Variants in CTCF observed in about 807,000 individuals in gnomAD.
The protein encoded by CTCF is transcriptional repressor CTCF.
CTCF carries 7 observed loss-of-function variants against 72.3 expected under a neutral mutation model. That is an observed-to-expected ratio of 0.10 (90% CI 0.06 to 0.18). The LOEUF (loss-of-function observed/expected upper bound fraction) is 0.18, where lower values mean the gene tolerates loss of function less well. Ranked by LOEUF, CTCF falls within the 10% of genes least tolerant of loss-of-function variation. The pLI is 1.00. For missense variants in CTCF, 516 were observed against 949.1 expected (o/e 0.54, Z 6.00); for synonymous variants, 374 against 315.8 (o/e 1.18, Z -1.95).
At chr16:67,607,330 G>A (rs539295923) in intron 2 of CTCF, among the ~76,000 whole-genome samples, 2 of 150,236 alleles carry the variant, frequency 1.3e-5, no homozygotes, top group South Asian at 2.1e-4. Context: ...TTTTGAGACC[G>A]AGTCTCACTC....
chr16:67,611,543 A>G lies in CTCF; in HGVS notation c.711A>G (p.Leu237=), dbSNP rs755569632. 1.2e-6 allele frequency: 2 copies of G among 1,614,024 alleles called. No individual in the cohort carries two copies. The highest frequency in any genetic ancestry group is 2.2e-5 in the East Asian group (1 of 44,906). Residue 237 remains leucine, a synonymous_variant, in exon 3 of 12, where the codon CTA becomes CTG. Transcript: ENST00000264010. ...AGGAAGAACAGCAGGAGGGTCTGCT[A>G]TCAGAGGTTAATGCAGAGAAAGTGG... is the stretch of plus-strand genomic sequence containing the variant. ...DFEEEQQEGL[L]SEVNAEKVVG... is the part of the protein sequence containing the mutation.
At chr16:67,574,576 A>G (rs368007163) in intron 2 of CTCF, among the ~76,000 whole-genome samples, 1 of 150,798 alleles carries the variant, frequency 6.6e-6, no homozygotes, top group Non-Finnish European at 1.5e-5. Context: ...TCCTGACCTC[A>G]GGTGATCCAC....
At chr16:67,571,549 GT>G (rs1706067176) in intron 2 of CTCF, among the ~76,000 whole-genome samples, 1 of 152,206 alleles carries the variant, frequency 6.6e-6, no homozygotes, top group African/African-American at 2.4e-5. Context: ...ATGAGAATGT[GT>G]TTTGTAAAGC....
At chr16:67,603,849 C>T (rs1479677176) in intron 2 of CTCF, among the ~76,000 whole-genome samples, 1 of 149,046 alleles carries the variant, frequency 6.7e-6, no homozygotes, top group Non-Finnish European at 1.5e-5. Context: ...AAATTAGAGG[C>T]CAGGCACGGT....
chr16:67,611,473 A>G lies in CTCF; in HGVS notation c.641A>G (p.Tyr214Cys). Residue 214 changes from tyrosine (Y) to cysteine (C), a missense_variant, in exon 3 of 12, where the codon TAT becomes TGT. Physicochemically the swap from Tyr to Cys is radical, Grantham distance 194. Transcript: ENST00000264010. ...AAAACCAAAAAGAGCAAACTGCGTT[A>G]TACAGAGGAGGGCAAAGATGTAGAT... is the stretch of plus-strand genomic sequence containing the variant. Reference protein sequence around the residue: ...TKKTKKSKLRYTEEGKDVDVS... With the variant: ...TKKTKKSKLRCTEEGKDVDVS... The G allele has an allele frequency of 6.2e-7, 1 of 1,614,260 alleles. No individual in the cohort carries two copies. Among genetic ancestry groups the G allele is most frequent in the Non-Finnish European group, 8.5e-7 (1 of 1,180,048 alleles).
intron 2 of CTCF, among the ~76,000 whole-genome samples, chr16:67,599,214 G>A (rs930611851): frequency 3.3e-5 from 5 of 152,146 alleles, no homozygotes; most frequent in Non-Finnish European, 7.3e-5. Flanking sequence ...GGCCAACGTG[G>A]TGAAACCTCG....
At chr16:67,625,808 C>T (rs183155147) in intron 7 of CTCF, among the ~76,000 whole-genome samples, 2 of 123,778 alleles carry the variant, frequency 1.6e-5, no homozygotes, top group Admixed American at 8.9e-5. Context: ...TCCCCTATGC[C>T]CCCCCACCCC....
intron 2 of CTCF, among the ~76,000 whole-genome samples, chr16:67,595,991 G>C (rs1347501939): frequency 6.6e-6 from 1 of 150,480 alleles, no homozygotes; most frequent in Non-Finnish European, 1.5e-5. Flanking sequence ...GTCTCTCTCT[G>C]TAGCCAGGCT....
At chr16:67,624,071 ATGTGTGTGTGTGTGTGTGTG>A (rs58387336) in intron 7 of CTCF, among the ~76,000 whole-genome samples, 2,038 of 117,582 alleles carry the variant, frequency 0.017, 26 homozygotes, top group Admixed American at 0.03. Context: ...AAAATTATAT[ATGTGTGTGTGTGTGTGTGTG>A]TGTGTGTGTG....
chr16:67,633,971 AG>A (rs1368514692), intron 10 of CTCF, among the ~76,000 whole-genome samples: 1 of 152,160 alleles, frequency 6.6e-6, no homozygotes, highest in Admixed American at 6.6e-5. Flanking sequence ...GAGTCAAAAA[AG>A]GGTCTAAAGC....
At chr16:67,589,130 AAATAAT>A (rs1442098151) in intron 2 of CTCF, among the ~76,000 whole-genome samples, 1 of 152,038 alleles carries the variant, frequency 6.6e-6, no homozygotes, top group Non-Finnish European at 1.5e-5. Flanking sequence ...CACCTCTACA[AAATAAT>A]AATAATAAAA....
intron 7 of CTCF, 40 bp downstream of exon 7, chr16:67,621,631 G>A: frequency 6.7e-7 from 1 of 1,488,226 alleles, no homozygotes; most frequent in Non-Finnish European, 9.3e-7. Flanking sequence ...AAAATATTTT[G>A]AAGGATTTAT....
chr16:67,628,317 G>A, intron 8 of CTCF, 53 bp from the exon 9 acceptor site: 2 of 1,560,142 alleles, frequency 1.3e-6, no homozygotes, highest in African/African-American at 2.7e-5. Flanking sequence ...GTGGCAGCTG[G>A]GGCAGTAGCC....
chr16:67,586,490 C>T (rs8061763), intron 2 of CTCF, among the ~76,000 whole-genome samples: 7 of 150,924 alleles, frequency 4.6e-5, no homozygotes, highest in South Asian at 4.2e-4. Context: ...GAGCCGAGAT[C>T]GCGCCACTGC....
intron 4 of CTCF, among the ~76,000 whole-genome samples, chr16:67,613,601 C>T (rs2052088991): frequency 6.6e-6 from 1 of 152,042 alleles, no homozygotes. Flanking sequence ...ATGGCAAAAC[C>T]GCCTCTGTAC....
intron 5 of CTCF, among the ~76,000 whole-genome samples, chr16:67,618,449 C>T (rs566587926): frequency 2.0e-5 from 3 of 152,234 alleles, no homozygotes; most frequent in Admixed American, 2.0e-4. Context: ...ATAAACTCAT[C>T]CTAATTAATT....
chr16:67,609,624 CTTTTTTT>C (rs921342687), intron 2 of CTCF, among the ~76,000 whole-genome samples: 14 of 135,420 alleles, frequency 1.0e-4, no homozygotes, highest in African/African-American at 3.7e-4. Context: ...CCTGATAATT[CTTTTTTT>C]TTTTTTTTTT....
At chr16:67,592,941 C>T (rs531330431) in intron 2 of CTCF, among the ~76,000 whole-genome samples, 9 of 149,552 alleles carry the variant, frequency 6.0e-5, no homozygotes, top group Admixed American at 1.3e-4. Context: ...GCAGGAGAAT[C>T]GGTTGAACCT....
chr16:67,576,140 TAAAA>T (rs561098313), intron 2 of CTCF, among the ~76,000 whole-genome samples: 4 of 91,902 alleles, frequency 4.4e-5, no homozygotes, highest in African/African-American at 1.2e-4. Flanking sequence ...GACCCTGTCT[TAAAA>T]AAAAAAAAAA....
Sources: gnomAD v4.1 joint callset for allele counts (sites outside exome capture counted in the v4.1 genomes callset) on GRCh38, gnomAD v4.1.1 for gene constraint, MANE v1.5 for transcripts, NCBI Gene and HGNC (gene_info 2026-07-23, HGNC 2026-07-21) for gene names.